The following TSEN2 variants were observed in gnomAD, a reference collection of about 807,000 sequenced individuals.
The protein encoded by TSEN2 is tRNA splicing endonuclease subunit 2.
Under a neutral mutation model 59.2 loss-of-function variants are expected in TSEN2, and 54 were observed. That is an observed-to-expected ratio of 0.91 (90% CI 0.73 to 1.14). The LOEUF (loss-of-function observed/expected upper bound fraction) is 1.14, where lower values mean the gene tolerates loss of function less well. Among genes scored for constraint, TSEN2 ranks in the 50% most tolerant of loss-of-function variants. The pLI is 0.00. For missense variants in TSEN2, 636 were observed against 576.2 expected, an observed-to-expected ratio of 1.10 and a Z score of -1.06; for synonymous variants, 195 against 198.2, an observed-to-expected ratio of 0.98 and a Z score of 0.14.
chr3:12,499,347 G>A (rs183147280), intron 4 of TSEN2, among the ~76,000 whole-genome samples: 2 of 152,254 alleles, frequency 1.3e-5, no homozygotes, highest in Non-Finnish European at 2.9e-5. Context: ...TAGGTGCTGG[G>A]GACCCAAGAG....
chr3:12,513,811 A>G (rs1020935854), intron 6 of TSEN2, among the ~76,000 whole-genome samples: 1 of 152,254 alleles, frequency 6.6e-6, no homozygotes. Context: ...GAAAAGGTCA[A>G]AATAAGATTG....
intron 7 of TSEN2, among the ~76,000 whole-genome samples, chr3:12,517,357 C>CAAAAAAAAAAAAAAAAAAAAAA (rs10663207): frequency 1.2e-5 from 1 of 81,504 alleles, no homozygotes; most frequent in Non-Finnish European, 2.1e-5. Context: ...GACTCTGTCT[C>CAAAAAAAAAAAAAAAAAAAAAA]AAAAAAAAAA....
intron 8 of TSEN2, among the ~76,000 whole-genome samples, chr3:12,520,233 C>T (rs2056523616): frequency 6.6e-6 from 1 of 152,124 alleles, no homozygotes; most frequent in Non-Finnish European, 1.5e-5. Flanking sequence ...CTCCTGAGCT[C>T]GTCATCTGCC....
In TSEN2 at chr3:12,492,135, G is replaced by A; in HGVS notation, c.190-1G>A. On this transcript the variant is annotated splice_acceptor_variant, in intron 2 of 11. Coordinates refer to ENST00000284995, the MANE Select transcript of TSEN2 (RefSeq NM_025265.4). LOFTEE classifies it high-confidence loss of function. ...AACTTCATTTTCTCTCTTCCTGGAA[G>A]GGTTATTTTGGAAAAGGTATTCTTT... The A allele has an allele frequency of 6.2e-7, 1 of 1,613,552 alleles. No homozygotes were observed. Among genetic ancestry groups the A allele is most frequent in the Admixed American group, 1.7e-5 (1 of 60,014 alleles).
upstream of TSEN2, among the ~76,000 whole-genome samples, chr3:12,480,528 G>GTTTTTTTTTTTTTTTTT (rs752340308): frequency 6.6e-4 from 61 of 91,734 alleles, no homozygotes; most frequent in Non-Finnish European, 7.7e-4. Context: ...TTGTTTCTTT[G>GTTTTTTTTTTTTTTTTT]TTTTTTTTTT....
rs912517428 is a variant in TSEN2 at position 12,530,657 on chromosome 3, C to T, written c.1248+784C>T. 15 of 985,258 alleles carry T rather than the reference C, an allele frequency of 1.5e-5. No individual in the cohort carries two copies. The African/African-American group carries it at 2.4e-4, about 16-fold the overall frequency. The allele number at this position is 985,258 out of a possible 1,614,324, so 61.0% of individuals were successfully genotyped here. A position where few individuals can be genotyped will look rare whatever the true frequency, so the allele number is the denominator to read the frequency against. Reference sequence around the variant, plus strand: ...GGCTAGAGATGACTGCCCTTTAGAGCAGGTTAGGTTGCCTAGGCTTTAGCT... The same window carrying T: ...GGCTAGAGATGACTGCCCTTTAGAGTAGGTTAGGTTGCCTAGGCTTTAGCT... On this transcript the variant is annotated intron_variant, in intron 10 of 11. Transcript: ENST00000284995.
chr3:12,512,075 C>G (rs1359029942), intron 6 of TSEN2, among the ~76,000 whole-genome samples: 1 of 152,166 alleles, frequency 6.6e-6, no homozygotes, highest in African/African-American at 2.4e-5. Flanking sequence ...TAACGTTCTC[C>G]TTCAGAGGAA....
At chr3:12,532,437 A>G (rs2057521984) in intron 11 of TSEN2, among the ~76,000 whole-genome samples, 1 of 152,220 alleles carries the variant, frequency 6.6e-6, no homozygotes, top group African/African-American at 2.4e-5. Flanking sequence ...CAGCAGAGGC[A>G]AGCTTAGCTG....
intron 5 of TSEN2, 146 bp from the exon 6 acceptor site, chr3:12,505,008 T>C: frequency 1.5e-6 from 1 of 658,270 alleles, no homozygotes; most frequent in South Asian, 1.7e-5. Context: ...CTCAAAAAAA[T>C]TGTGTTTTAA....
rs144540998 is a variant in TSEN2, at chr3:12,506,803, C to A, written c.909+1572C>A. The A allele has an allele frequency of 5.9e-4, 584 of 985,334 alleles. 2 individuals are homozygous for A. The highest frequency in any genetic ancestry group is 1.6e-3 in the Middle Eastern group (3 of 1,914). The allele number at this position is 985,334 out of a possible 1,614,324, so 61.0% of individuals were successfully genotyped here. A position where few individuals can be genotyped will look rare whatever the true frequency, so the allele number is the denominator to read the frequency against. ...TCTGTGATGGCTTTCTTTGATAGTT[C>A]CTGCAGTGTCCAGTGTGGTTCTTGG... On this transcript the variant is annotated intron_variant, in intron 6 of 11. Transcript: ENST00000284995.
At chr3:12,498,644 T>G (rs143229486) in intron 4 of TSEN2, among the ~76,000 whole-genome samples, 3 of 152,358 alleles carry the variant, frequency 2.0e-5, no homozygotes, top group African/African-American at 7.2e-5. Flanking sequence ...ATAGTGACAG[T>G]GCAGGAATGT....
downstream of TSEN2, among the ~76,000 whole-genome samples, chr3:12,535,244 CTCATTACAGACTTGAATAA>C (rs1559374278): frequency 6.6e-6 from 1 of 152,166 alleles, no homozygotes; most frequent in African/African-American, 2.4e-5. Context: ...TTTTTAAAAT[CTCATTACAGACTTGAATAA>C]TCATCCCATG....
intron 4 of TSEN2, among the ~76,000 whole-genome samples, chr3:12,499,661 G>A (rs1440577255): frequency 6.6e-6 from 1 of 152,190 alleles, no homozygotes; most frequent in African/African-American, 2.4e-5. Context: ...CAGCGCCAGA[G>A]CCTGGGAGAC....
In TSEN2 at chr3:12,528,931, A is replaced by G. The variant is rs747938294; in HGVS notation, c.1136+7A>G. 1 of 1,613,806 alleles carries G rather than the reference A, an allele frequency of 6.2e-7. No homozygotes were observed. The highest frequency in any genetic ancestry group is 1.3e-5 in the African/African-American group (1 of 74,950). The stretch of plus-strand genomic sequence containing the variant: ...CTCCATTTTACCATGCAAGGTTCGG[A>G]GTGATTTTTAAATAAACTAATGGGT... On this transcript the variant is annotated splice_region_variant and intron_variant, in intron 9 of 11. Transcript: ENST00000284995.
At position 12,531,673 on chromosome 3, in the gene TSEN2, G is replaced by A; in HGVS notation, c.1338+14G>A. ...ATTAAAGTTCAGGTGGGTAAACTCA[G>A]AGAAATTCATGTCATCCCAAAGATT... On this transcript the variant is annotated intron_variant, in intron 11 of 11. Transcript: ENST00000284995. The A allele has an allele frequency of 6.5e-7, 1 of 1,530,062 alleles. No individual in the cohort carries two copies. The highest frequency in any genetic ancestry group is 9.1e-7 in the Non-Finnish European group (1 of 1,103,672). 94.8% of individuals were successfully genotyped at this position (1,530,062 alleles called of 1,614,324 possible).
rs1050919378 is a variant in TSEN2, at chr3:12,530,101, G to C, written c.1248+228G>C. 20 of 1,413,284 alleles carry C rather than the reference G, an allele frequency of 1.4e-5. No homozygotes were observed. In the Admixed American group the frequency reaches 2.7e-4, roughly 19 times the overall value. 87.5% of individuals were successfully genotyped at this position (1,413,284 alleles called of 1,614,324 possible). On this transcript the variant is annotated intron_variant, in intron 10 of 11. Coordinates refer to ENST00000284995, the MANE Select transcript of TSEN2 (RefSeq NM_025265.4). ...TCCCCTCCCTCCCAACTGCTGCTGA[G>C]CTCCAATGACGGAGCTTTGGAGTGT...
At chr3:12,487,472 T>C (rs897807383) in intron 1 of TSEN2, among the ~76,000 whole-genome samples, 6 of 152,122 alleles carry the variant, frequency 3.9e-5, no homozygotes, top group Admixed American at 2.0e-4. Flanking sequence ...TTATTAGAAC[T>C]TCTTGAAGGT....
chr3:12,501,476 G>A (rs2054277825), intron 4 of TSEN2, among the ~76,000 whole-genome samples: 1 of 152,224 alleles, frequency 6.6e-6, no homozygotes. Context: ...CATGTGGGGT[G>A]AACAGGGTAT....
At chr3:12,518,742 A>G (rs551272104) in intron 7 of TSEN2, among the ~76,000 whole-genome samples, 2 of 147,560 alleles carry the variant, frequency 1.4e-5, no homozygotes, top group African/African-American at 5.0e-5. Context: ...AAGTCAGTGT[A>G]TATTTTACAC....
Sources: gnomAD v4.1 joint callset for allele counts (sites outside exome capture counted in the v4.1 genomes callset) on GRCh38, gnomAD v4.1.1 for gene constraint, MANE v1.5 for transcripts, NCBI Gene and HGNC (gene_info 2026-07-23, HGNC 2026-07-21) for gene names.